MALRD1: variants seen among roughly 807,000 people sequenced by gnomAD.
MALRD1 encodes the protein MAM and LDL receptor class A domain containing 1.
MALRD1 carries 247 observed loss-of-function variants against 242.1 expected under a neutral mutation model. The observed-to-expected ratio is 1.02, with a 90% confidence interval of 0.92 to 1.13. The LOEUF (loss-of-function observed/expected upper bound fraction) is 1.13. Ranked by LOEUF, MALRD1 falls within the 50% of genes most tolerant of loss-of-function variation. MALRD1 has a pLI of 0.00. For missense variants in MALRD1, 2,989 were observed against 2,533.1 expected (o/e 1.18, Z -3.86); for synonymous variants, 995 against 866.6 (o/e 1.15, Z -2.60).
chr10:19,193,691 T>A (rs1479232184), intron 14 of MALRD1, among the ~76,000 whole-genome samples: 1 of 152,150 alleles, frequency 6.6e-6, no homozygotes, highest in Non-Finnish European at 1.5e-5. Context: ...GGAGAGCAGG[T>A]TATCTTGGGT....
At chr10:19,687,072 T>G (rs1190174966) in intron 36 of MALRD1, among the ~76,000 whole-genome samples, 1 of 152,132 alleles carries the variant, frequency 6.6e-6, no homozygotes, top group African/African-American at 2.4e-5. Context: ...TGAGTAAAAC[T>G]GATTCTAATA....
At chr10:19,412,054 T>A (rs1833296934) in intron 28 of MALRD1, among the ~76,000 whole-genome samples, 1 of 152,232 alleles carries the variant, frequency 6.6e-6, no homozygotes, top group Non-Finnish European at 1.5e-5. Flanking sequence ...ATCCCAGCAC[T>A]TTGGGAGGCC....
At chr10:19,115,325 G>T (rs142820858) in intron 5 of MALRD1, among the ~76,000 whole-genome samples, 188 of 152,120 alleles carry the variant, frequency 1.2e-3, no homozygotes, top group African/African-American at 4.5e-3. Context: ...CCCAAGAGGA[G>T]GTCTATACTC....
At chr10:19,298,956 T>A (rs1175372300) in intron 21 of MALRD1, among the ~76,000 whole-genome samples, 1 of 151,896 alleles carries the variant, frequency 6.6e-6, no homozygotes, top group African/African-American at 2.4e-5. Context: ...ACTAGAATTC[T>A]ATACCTGGTA....
chr10:19,178,131 A>G (rs886784210), intron 14 of MALRD1, among the ~76,000 whole-genome samples: 5 of 152,192 alleles, frequency 3.3e-5, no homozygotes, highest in Non-Finnish European at 7.4e-5. Context: ...GATCTTGCTT[A>G]TGGAGAATTC....
intron 32 of MALRD1, among the ~76,000 whole-genome samples, chr10:19,551,416 G>C (rs1049298375): frequency 6.6e-6 from 1 of 152,092 alleles, no homozygotes; most frequent in African/African-American, 2.4e-5. Flanking sequence ...GCTGTTGCTG[G>C]TATATAGGAA....
intron 31 of MALRD1, among the ~76,000 whole-genome samples, chr10:19,522,400 G>T (rs980406986): frequency 6.6e-6 from 1 of 152,046 alleles, no homozygotes; most frequent in Non-Finnish European, 1.5e-5. Flanking sequence ...ACCTGACTAG[G>T]ACTAAGATTG....
intron 26 of MALRD1, among the ~76,000 whole-genome samples, chr10:19,362,663 G>A (rs963897119): frequency 3.9e-5 from 6 of 152,016 alleles, no homozygotes; most frequent in Admixed American, 2.0e-4. Flanking sequence ...GGCAGGTTTT[G>A]TAGGTTACTA....
At chr10:19,365,790 G>A (rs1007382618) in intron 26 of MALRD1, among the ~76,000 whole-genome samples, 1 of 150,984 alleles carries the variant, frequency 6.6e-6, no homozygotes, top group Non-Finnish European at 1.5e-5. Flanking sequence ...TATACAATAC[G>A]ATGAATTCTG....
chr10:19,349,108 T>C (rs979888993), intron 25 of MALRD1, among the ~76,000 whole-genome samples: 2 of 152,094 alleles, frequency 1.3e-5, no homozygotes, highest in African/African-American at 4.8e-5. Flanking sequence ...ATTACAGGCG[T>C]GCACAACCAT....
At chr10:19,138,042 C>T (rs920982426) in intron 10 of MALRD1, among the ~76,000 whole-genome samples, 1 of 152,176 alleles carries the variant, frequency 6.6e-6, no homozygotes, top group African/African-American at 2.4e-5. Flanking sequence ...TAATTGGTTT[C>T]TCTTGGGAAG....
At chr10:19,368,879 GTGTGTGTGTGTT>G (rs1362276349) in intron 26 of MALRD1, among the ~76,000 whole-genome samples, 1 of 143,588 alleles carries the variant, frequency 7.0e-6, no homozygotes, top group South Asian at 2.2e-4. Context: ...GTATGTGTGT[GTGTGTGTGTGTT>G]TGTGTGTGTG....
At chr10:19,725,189 A>C (rs1393528136) in intron 38 of MALRD1, among the ~76,000 whole-genome samples, 1 of 152,124 alleles carries the variant, frequency 6.6e-6, no homozygotes, top group Non-Finnish European at 1.5e-5. Context: ...CCCCACCCAA[A>C]TCTCATCTTG....
chr10:19,677,141 T>A, intron 36 of MALRD1, among the ~76,000 whole-genome samples: 1 of 152,196 alleles, frequency 6.6e-6, no homozygotes, highest in East Asian at 1.9e-4. Context: ...AGCCCGTATC[T>A]TTATAATAGA....
chr10:19,568,485 G>A (rs1195462755), intron 33 of MALRD1, among the ~76,000 whole-genome samples: 1 of 151,868 alleles, frequency 6.6e-6, no homozygotes, highest in Non-Finnish European at 1.5e-5. Flanking sequence ...TCAACTTCAG[G>A]TGACACACCC....
At chr10:19,323,172 T>C (rs1173584275) in intron 21 of MALRD1, among the ~76,000 whole-genome samples, 1 of 152,278 alleles carries the variant, frequency 6.6e-6, no homozygotes, top group African/African-American at 2.4e-5. Flanking sequence ...TAAATCAATA[T>C]AGAGAGAGTA....
chr10:19,562,153 AG>A (rs1358765363), intron 32 of MALRD1, among the ~76,000 whole-genome samples: 1 of 152,008 alleles, frequency 6.6e-6, no homozygotes. Context: ...AAAATTAGCC[AG>A]GCGTGGTGGC....
At chr10:19,353,261 C>G (rs979836902) in intron 26 of MALRD1, among the ~76,000 whole-genome samples, 14 of 152,110 alleles carry the variant, frequency 9.2e-5, no homozygotes, top group African/African-American at 3.4e-4. Flanking sequence ...CCTGCCTTGG[C>G]CTCCCGAAGT....
chr10:19,513,385 A>C (rs573773603), intron 31 of MALRD1, among the ~76,000 whole-genome samples: 2 of 151,396 alleles, frequency 1.3e-5, no homozygotes, highest in South Asian at 4.2e-4. Flanking sequence ...TACTGGTGCC[A>C]TGCTTATACA....
Sources: allele counts gnomAD v4.1 joint callset (sites outside exome capture counted in the v4.1 genomes callset), GRCh38; gene constraint gnomAD v4.1.1; transcripts MANE v1.5; gene names NCBI Gene and HGNC (gene_info 2026-07-23, HGNC 2026-07-21).